Variants in VPS13D observed in about 807,000 individuals in gnomAD.
The protein encoded by VPS13D is intermembrane lipid transfer protein VPS13D.
Under a neutral mutation model 461.9 loss-of-function variants are expected in VPS13D, and 187 were observed. The ratio of observed to expected loss-of-function variants is 0.40; its 90% CI spans 0.36 to 0.46. VPS13D has a LOEUF of 0.46. Among genes scored for constraint, VPS13D ranks in the 20% least tolerant of loss-of-function variants. The pLI is 0.60. For synonymous variants in VPS13D, 1,951 were observed against 1,986.3 expected, an observed-to-expected ratio of 0.98 and a Z score of 0.47; for missense variants, 4,711 against 5,364.9, an observed-to-expected ratio of 0.88 and a Z score of 3.81.
intron 22 of VPS13D, 128 bp downstream of exon 22, chr1:12,288,441 C>A: frequency 1.3e-6 from 1 of 794,124 alleles, no homozygotes; most frequent in Non-Finnish European, 2.1e-6. Flanking sequence ...GGTTATTAGT[C>A]TGGCCAGGAT....
chr1:12,323,560 T>C lies in VPS13D; in HGVS notation c.7916-146T>C, dbSNP rs555341209. Reference sequence around the variant, plus strand: ...GATTTCAGGGTACACTTGATAGAATTCTCCAATTAGGAGTCCAGTTTTGCT... The same window carrying C: ...GATTTCAGGGTACACTTGATAGAATCCTCCAATTAGGAGTCCAGTTTTGCT... On this transcript the variant is annotated intron_variant, in intron 34 of 69. Transcript: ENST00000620676. 1.1e-5 allele frequency: 8 copies of C among 696,292 alleles called. No individual in the cohort carries two copies. The East Asian group carries it at 2.3e-4, about 20-fold the overall frequency. 43.1% of individuals were successfully genotyped at this position (696,292 alleles called of 1,614,324 possible).
At chr1:12,300,424 T>C (rs973650809) in intron 25 of VPS13D, among the ~76,000 whole-genome samples, 2 of 152,058 alleles carry the variant, frequency 1.3e-5, no homozygotes, top group Non-Finnish European at 2.9e-5. Flanking sequence ...GCCAGGTTGG[T>C]CTTGAACTCC....
rs1644605911 is a variant in VPS13D at position 12,403,419 on chromosome 1, TTTGA to T, written c.11882-403_11882-400del. Among the ~76,000 whole-genome samples, 3 of 152,252 alleles carry T rather than the reference TTTGA, an allele frequency of 2.0e-5. No homozygotes were observed. In the South Asian group the frequency reaches 6.2e-4, roughly 32 times the overall value. On this transcript the variant is annotated intron_variant, in intron 62 of 69. Coordinates refer to ENST00000620676, the MANE Select transcript of VPS13D (RefSeq NM_015378.4). Reference sequence around the variant, plus strand: ...AGATTCGTGAATTGGTGATATCCATTTTGATTCAGTTACACTGCACTCCAAGACC... The same window carrying T: ...AGATTCGTGAATTGGTGATATCCATTTTCAGTTACACTGCACTCCAAGACC...
chr1:12,254,950 CTT>C (rs372496241), intron 7 of VPS13D, among the ~76,000 whole-genome samples: 4 of 142,118 alleles, frequency 2.8e-5, no homozygotes, highest in Admixed American at 7.1e-5. Context: ...TGGCTTTCTT[CTT>C]TTTTTTTTTT....
chr1:12,369,126 G>T (rs1203119539), intron 53 of VPS13D, among the ~76,000 whole-genome samples: 4 of 152,118 alleles, frequency 2.6e-5, no homozygotes, highest in African/African-American at 7.2e-5. Flanking sequence ...GGGCTAGAAA[G>T]ATGCCATTGG....
At chr1:12,275,256 A>C (rs1337370615) in intron 18 of VPS13D, among the ~76,000 whole-genome samples, 1 of 152,046 alleles carries the variant, frequency 6.6e-6, no homozygotes, top group Non-Finnish European at 1.5e-5. Context: ...AATGTAAAAA[A>C]TACAAAAAAT....
chr1:12,336,701 A>G (rs1643459235), intron 39 of VPS13D: 1 of 152,224 alleles, frequency 6.6e-6, no homozygotes, highest in African/African-American at 2.4e-5. Flanking sequence ...ACTTCTAGAA[A>G]GAGACACAAA....
intron 50 of VPS13D, 101 bp downstream of exon 50, chr1:12,358,702 C>G: frequency 6.9e-7 from 1 of 1,444,224 alleles, no homozygotes; most frequent in East Asian, 2.4e-5. Context: ...ACTACAAGTA[C>G]TGATTTTCTT....
At position 12,277,626 on chromosome 1, in the gene VPS13D, A is replaced by G; in HGVS notation, c.4038A>G (p.Pro1346=). 2 of 1,614,050 alleles carry G rather than the reference A, an allele frequency of 1.2e-6. No homozygotes were observed. The highest frequency in any genetic ancestry group is 1.7e-6 in the Non-Finnish European group (2 of 1,180,022). ...YSEMVSLFET[P]RKTREPFILE... ...AGATGGTATCGCTCTTTGAAACTCC[A>G]AGGAAGACTCGGGAACCCTTTATCT... The change falls in exon 19 of 70, where the codon CCA becomes CCG. Residue 1346 remains proline, a synonymous_variant. Transcript: ENST00000620676.
chr1:12,340,398 T>C (rs1268483842), intron 40 of VPS13D, among the ~76,000 whole-genome samples: 1 of 152,212 alleles, frequency 6.6e-6, no homozygotes, highest in African/African-American at 2.4e-5. Context: ...AAATAGAACT[T>C]GCCTTGACCC....
Position 12,332,253 on chromosome 1 carries a change from G to A in VPS13D, c.8288-973G>A, listed in dbSNP as rs534465048. On this transcript the variant is annotated intron_variant, in intron 37 of 69. Transcript: ENST00000620676. ...TGTGTGAACTACAGATGTATATAAG[G>A]CTGCTTATAGTATAGTATTCCAATA... Among the ~76,000 whole-genome samples the A allele has an allele frequency of 2.6e-5, 4 of 152,268 alleles. No homozygotes were observed. The East Asian group carries it at 7.7e-4, about 29-fold the overall frequency.
intron 67 of VPS13D, among the ~76,000 whole-genome samples, chr1:12,485,436 C>T (rs1035779240): frequency 1.3e-5 from 2 of 152,174 alleles, no homozygotes; most frequent in East Asian, 1.9e-4. Flanking sequence ...TTGGCCCTGC[C>T]GTGTCATATG....
chr1:12,417,096 C>A (rs1644803839), intron 65 of VPS13D, among the ~76,000 whole-genome samples: 1 of 152,144 alleles, frequency 6.6e-6, no homozygotes, highest in Non-Finnish European at 1.5e-5. Context: ...CAATAGCCCC[C>A]AGCACCCTGG....
intron 22 of VPS13D, among the ~76,000 whole-genome samples, chr1:12,288,746 A>G (rs564746637): frequency 1.3e-5 from 2 of 152,144 alleles, no homozygotes; most frequent in African/African-American, 2.4e-5. Context: ...TCTCTGGGAA[A>G]CCAGAGGATA....
intron 54 of VPS13D, among the ~76,000 whole-genome samples, chr1:12,372,706 G>T (rs1644136411): frequency 6.6e-6 from 1 of 150,884 alleles, no homozygotes; most frequent in Admixed American, 6.6e-5. Context: ...TCTCATTTTG[G>T]TCACATATAA....
intron 57 of VPS13D, among the ~76,000 whole-genome samples, chr1:12,381,927 TTTCTTTC>T (rs775785457): frequency 0.054 from 1,562 of 28,756 alleles, 42 homozygotes; most frequent in African/African-American, 0.068. Context: ...TTTTCTTTTC[TTTCTTTC>T]TTTCTTTCTT....
intron 10 of VPS13D, among the ~76,000 whole-genome samples, chr1:12,259,234 A>T (rs1160864552): frequency 6.6e-6 from 1 of 151,280 alleles, no homozygotes; most frequent in Non-Finnish European, 1.5e-5. Flanking sequence ...GATGAGTTTC[A>T]TCCTTCTGCC....
chr1:12,322,484 T>C (rs1436130289), intron 33 of VPS13D, 52 bp from the exon 34 acceptor site: 1 of 1,568,558 alleles, frequency 6.4e-7, no homozygotes, highest in African/African-American at 1.4e-5. Context: ...GAGATATGGA[T>C]GTAAAACCAA....
chr1:12,396,177 G>A (rs1389506967), intron 60 of VPS13D, among the ~76,000 whole-genome samples: 1 of 151,694 alleles, frequency 6.6e-6, no homozygotes. Flanking sequence ...TGGGGGAGCT[G>A]CAAATTCCTT....
Sources: allele counts gnomAD v4.1 joint callset (sites outside exome capture counted in the v4.1 genomes callset), GRCh38; gene constraint gnomAD v4.1.1; transcripts MANE v1.5; gene names NCBI Gene and HGNC (gene_info 2026-07-23, HGNC 2026-07-21).